TMEM132C: variants seen among roughly 807,000 people sequenced by gnomAD.
TMEM132C encodes the protein protein phosphatase 1, regulatory subunit 152.
TMEM132C carries 29 observed loss-of-function variants against 61.4 expected under a neutral mutation model. That is an observed-to-expected ratio of 0.47 (90% CI 0.35 to 0.64). TMEM132C has a LOEUF of 0.64. Ranked by LOEUF, TMEM132C falls within the 30% of genes least tolerant of loss-of-function variation. TMEM132C has a pLI of 0.00. For synonymous variants in TMEM132C, 656 were observed against 633.1 expected (o/e 1.04, Z -0.54); for missense variants, 1,408 against 1,476.9 (o/e 0.95, Z 0.76).
At position 128,565,290 on chromosome 12, in the gene TMEM132C, G is replaced by A. The variant is rs144311375; in HGVS notation, c.1121+21187G>A. Among the ~76,000 whole-genome samples, 489 of 152,252 alleles carry A rather than the reference G, an allele frequency of 3.2e-3. 8 individuals carry two copies. Among genetic ancestry groups the A allele is most frequent in the African/African-American group, 0.011 (458 of 41,542 alleles). On this transcript the variant is annotated intron_variant, in intron 3 of 8. Transcript: ENST00000435159. ...CAACTATGCCTTCATATAAGACCCC[G>A]GCCTCTCCTACCACCTGGATTTCAG...
chr12:128,468,798 A>C (rs2136077770), intron 2 of TMEM132C, among the ~76,000 whole-genome samples: 1 of 152,354 alleles, frequency 6.6e-6, no homozygotes, highest in Non-Finnish European at 1.5e-5. Context: ...AATATGTATT[A>C]GAAAAAAAGA....
At chr12:128,483,584 T>C (rs2136093334) in intron 2 of TMEM132C, among the ~76,000 whole-genome samples, 1 of 152,184 alleles carries the variant, frequency 6.6e-6, no homozygotes, top group South Asian at 2.1e-4. Flanking sequence ...GCTATAAGGA[T>C]TGGGATAAAG....
chr12:128,362,753 A>G (rs1873745471), intron 1 of TMEM132C, among the ~76,000 whole-genome samples: 1 of 152,228 alleles, frequency 6.6e-6, no homozygotes, highest in Admixed American at 6.5e-5. Context: ...TAGACTTTTC[A>G]GGTTAGGAAT....
intron 1 of TMEM132C, among the ~76,000 whole-genome samples, chr12:128,355,762 A>T (rs1873483555): frequency 6.6e-6 from 1 of 151,814 alleles, no homozygotes; most frequent in African/African-American, 2.4e-5. Flanking sequence ...GCCTTTGCAC[A>T]TCCCTGTCCT....
chr12:128,665,775 GCACT>G (rs1954457863), intron 4 of TMEM132C, among the ~76,000 whole-genome samples: 1 of 111,584 alleles, frequency 9.0e-6, no homozygotes, highest in Non-Finnish European at 1.8e-5. Context: ...AAGCACACAG[GCACT>G]CACACACACA....
At chr12:128,468,506 A>G (rs1165926548) in intron 2 of TMEM132C, among the ~76,000 whole-genome samples, 3 of 151,732 alleles carry the variant, frequency 2.0e-5, no homozygotes, top group Non-Finnish European at 4.4e-5. Context: ...TTTAGTAGAG[A>G]CCGGGTTTCT....
rs149842813 is a variant in TMEM132C at position 128,421,769 on chromosome 12, G to A, written c.974+6149G>A. 5.1e-3 allele frequency among the ~76,000 whole-genome samples: 771 copies of A among 152,156 alleles called. 14 individuals are homozygous for A. The highest frequency in any genetic ancestry group is 0.039 in the Admixed American group (600 of 15,280). Reference sequence around the variant, plus strand: ...TAGCTATAACATTATTTTGGAAGCCGATTTTAAAAAATAAAAAATAAAATA... The same window carrying A: ...TAGCTATAACATTATTTTGGAAGCCAATTTTAAAAAATAAAAAATAAAATA... On this transcript the variant is annotated intron_variant, in intron 2 of 8. Transcript: ENST00000435159.
intron 1 of TMEM132C, among the ~76,000 whole-genome samples, chr12:128,338,900 G>A (rs1027693219): frequency 6.6e-6 from 1 of 151,966 alleles, no homozygotes; most frequent in Non-Finnish European, 1.5e-5. Context: ...CTACACAGAG[G>A]GCTTTGGGTA....
intron 2 of TMEM132C, among the ~76,000 whole-genome samples, chr12:128,478,192 A>T (rs764423373): frequency 4.5e-4 from 69 of 152,348 alleles, no homozygotes; most frequent in Middle Eastern, 6.8e-3. Flanking sequence ...CCACATGCAG[A>T]TAGACGCGTA....
intron 1 of TMEM132C, among the ~76,000 whole-genome samples, chr12:128,378,008 G>A (rs1041902495): frequency 1.3e-5 from 2 of 152,166 alleles, no homozygotes; most frequent in African/African-American, 4.8e-5. Context: ...ACGTGACAAT[G>A]CCTGGAGCAC....
At chr12:128,526,673 T>C (rs751700737) in intron 2 of TMEM132C, among the ~76,000 whole-genome samples, 14 of 151,974 alleles carry the variant, frequency 9.2e-5, no homozygotes, top group Non-Finnish European at 1.6e-4. Context: ...AAATAAAAGA[T>C]AGAGAAGATA....
chr12:128,392,064 T>G (rs61939978), intron 1 of TMEM132C, among the ~76,000 whole-genome samples: 9 of 130,534 alleles, frequency 6.9e-5, no homozygotes, highest in East Asian at 2.6e-4. Flanking sequence ...CTCTCTCTCT[T>G]TCTCTCTCTC....
Position 128,277,856 on chromosome 12 carries a change from T to C in TMEM132C, c.85+10369T>C, listed in dbSNP as rs556874400. 1.2e-3 allele frequency among the ~76,000 whole-genome samples: 177 copies of C among 152,260 alleles called. 1 individual carries two copies. Among genetic ancestry groups the C allele is most frequent in the African/African-American group, 3.9e-3 (163 of 41,556 alleles). On this transcript the variant is annotated intron_variant, in intron 1 of 8. Transcript: ENST00000435159. ...CTCAAATTAGGAAGGTGGCCTTCTTTATCTCTCATCACATCTCTACCTCTG... is the reference window on the plus strand; with the variant it reads ...CTCAAATTAGGAAGGTGGCCTTCTTCATCTCTCATCACATCTCTACCTCTG...
intron 1 of TMEM132C, among the ~76,000 whole-genome samples, chr12:128,396,095 A>T (rs1874944417): frequency 6.6e-6 from 1 of 152,216 alleles, no homozygotes; most frequent in Non-Finnish European, 1.5e-5. Flanking sequence ...GAGCCGTTGA[A>T]TAAGCTCTGG....
chr12:128,485,357 A>G (rs1028184213), intron 2 of TMEM132C, among the ~76,000 whole-genome samples: 1 of 152,010 alleles, frequency 6.6e-6, no homozygotes, highest in East Asian at 1.9e-4. Context: ...TTGTATTTTT[A>G]TTACAGACAG....
rs182271990 is a variant in TMEM132C at position 128,578,509 on chromosome 12, C to G, written c.1121+34406C>G. 4.0e-3 allele frequency among the ~76,000 whole-genome samples: 602 copies of G among 152,304 alleles called. 1 individual carries two copies. The highest frequency in any genetic ancestry group is 0.021 in the South Asian group (102 of 4,820). ...AAAGTCTACTTGTCGCCTTATTATC[C>G]ATTATCAGATGCAAATGACTTTCCA... On this transcript the variant is annotated intron_variant, in intron 3 of 8. Transcript: ENST00000435159.
intron 2 of TMEM132C, among the ~76,000 whole-genome samples, chr12:128,513,597 G>A (rs1469778909): frequency 6.6e-6 from 1 of 152,076 alleles, no homozygotes; most frequent in East Asian, 1.9e-4. Flanking sequence ...AAGCATCCTG[G>A]CTCTTTCAGG....
At chr12:128,311,819 C>T (rs1372847556) in intron 1 of TMEM132C, among the ~76,000 whole-genome samples, 1 of 152,254 alleles carries the variant, frequency 6.6e-6, no homozygotes, top group Non-Finnish European at 1.5e-5. Flanking sequence ...CCACTGTCCA[C>T]ATCATGCCCT....
At chr12:128,317,152 T>C (rs891571719) in intron 1 of TMEM132C, among the ~76,000 whole-genome samples, 2 of 152,204 alleles carry the variant, frequency 1.3e-5, no homozygotes, top group Non-Finnish European at 2.9e-5. Flanking sequence ...AAGACTCTTA[T>C]CTTCTCTACT....
Sources: gnomAD v4.1 joint callset for allele counts (sites outside exome capture counted in the v4.1 genomes callset) on GRCh38, gnomAD v4.1.1 for gene constraint, MANE v1.5 for transcripts, NCBI Gene and HGNC (gene_info 2026-07-23, HGNC 2026-07-21) for gene names.